MYO10: variants seen among roughly 807,000 people sequenced by gnomAD.
The protein encoded by MYO10 is unconventional myosin-X.
Under a neutral mutation model 257.3 loss-of-function variants are expected in MYO10, and 133 were observed. That is an observed-to-expected ratio of 0.52 (90% CI 0.45 to 0.60). The LOEUF is 0.60. Among genes scored for constraint, MYO10 ranks in the 20% least tolerant of loss-of-function variants. The probability of loss-of-function intolerance (pLI) is 0.00; values close to 1 mark genes in which losing one functional copy is unlikely to be tolerated. For synonymous variants in MYO10, 1,104 were observed against 1,028.6 expected (o/e 1.07, Z -1.40); for missense variants, 2,399 against 2,635.7 (o/e 0.91, Z 1.97).
At chr5:16,769,483 T>C (rs1374055768) in intron 9 of MYO10, among the ~76,000 whole-genome samples, 2 of 152,122 alleles carry the variant, frequency 1.3e-5, no homozygotes, top group African/African-American at 4.8e-5. Context: ...TACAGGTGTG[T>C]GCCACCATGC....
At chr5:16,862,045 C>T (rs548851357) in intron 2 of MYO10, among the ~76,000 whole-genome samples, 5 of 152,236 alleles carry the variant, frequency 3.3e-5, no homozygotes, top group South Asian at 4.2e-4. Context: ...TTTACCCATC[C>T]GAAATGCCAA....
chr5:16,830,945 A>G (rs1046355827), intron 2 of MYO10, among the ~76,000 whole-genome samples: 12 of 152,170 alleles, frequency 7.9e-5, no homozygotes, highest in Non-Finnish European at 1.3e-4. Flanking sequence ...ATGGCTGTGA[A>G]GGGCAACAGG....
At chr5:16,776,990 T>C (rs923159076) in intron 9 of MYO10, among the ~76,000 whole-genome samples, 1 of 146,758 alleles carries the variant, frequency 6.8e-6, no homozygotes, top group African/African-American at 2.6e-5. Flanking sequence ...GAGACAAGTC[T>C]TTTTTTTTTG....
At position 16,783,562 on chromosome 5, in the gene MYO10, C is replaced by T. The variant is rs537777912; in HGVS notation, c.468-93G>A. The T allele has an allele frequency of 2.7e-4, 365 of 1,338,882 alleles. 1 individual carries two copies. The African/African-American group carries it at 5.0e-3, about 18-fold the overall frequency. 82.9% of individuals were successfully genotyped at this position (1,338,882 alleles called of 1,614,324 possible). On this transcript the variant is annotated intron_variant, in intron 4 of 40. Transcript: ENST00000513610. The stretch of plus-strand genomic sequence containing the variant: ...ATGGCACTATAATTACTCAACAGAA[C>T]AATGGTAGAAAGGTGGGAAGAGGGA...
intron 28 of MYO10, among the ~76,000 whole-genome samples, chr5:16,686,242 T>A (rs541317076): frequency 6.6e-6 from 1 of 152,292 alleles, no homozygotes; most frequent in East Asian, 1.9e-4. Flanking sequence ...GCTTTTTCTG[T>A]TTTAAAACAT....
At chr5:16,819,349 C>T (rs1300960088) in intron 2 of MYO10, among the ~76,000 whole-genome samples, 3 of 152,170 alleles carry the variant, frequency 2.0e-5, no homozygotes, top group Non-Finnish European at 4.4e-5. Flanking sequence ...ACTCAGTGCT[C>T]TTCGTCCTAA....
chr5:16,680,063 G>T lies in MYO10; in HGVS notation c.4426C>A (p.Arg1476=). 1 of 1,611,720 alleles carries T rather than the reference G, an allele frequency of 6.2e-7. No individual in the cohort carries two copies. The highest frequency in any genetic ancestry group is 8.5e-7 in the Non-Finnish European group (1 of 1,178,972). The change falls in exon 33 of 41, where the codon CGG becomes AGG. Residue 1476 remains arginine (R), a synonymous_variant. Coordinates refer to ENST00000513610, the MANE Select transcript of MYO10 (RefSeq NM_012334.3). The part of the protein sequence containing the change: ...VTVYGRKHCY[R]LYTKLLNEAT... ...TCGTTGAGCAGCTTGGTGTAGAGCC[G>T]GTAACAGTGCTTGCGCCCGTACACG...
intron 1 of MYO10, among the ~76,000 whole-genome samples, chr5:16,925,701 C>T (rs147828429): frequency 1.3e-4 from 20 of 152,286 alleles, no homozygotes; most frequent in African/African-American, 4.1e-4. Context: ...CATGAGCCAC[C>T]GTGTCCGGCC....
rs1049279679 is a variant in MYO10 at position 16,789,666 on chromosome 5, G to A, written c.467+4980C>T. On this transcript the variant is annotated intron_variant, in intron 4 of 40. Coordinates refer to ENST00000513610, the MANE Select transcript of MYO10 (RefSeq NM_012334.3). ...AAGTTAGCCAGCCATGATGGTGCAC[G>A]CCTGTAACCCCAGCTACCTGGGAGG... Among the ~76,000 whole-genome samples the A allele has an allele frequency of 3.9e-5, 6 of 152,130 alleles. No homozygotes were observed. In the East Asian group the frequency reaches 9.7e-4, roughly 24 times the overall value.
In MYO10 at chr5:16,763,551, T is replaced by C. The variant is rs1009628797; in HGVS notation, c.1428-4A>G. On this transcript the variant is annotated splice_region_variant and splice_polypyrimidine_tract_variant and intron_variant, in intron 13 of 40. Transcript: ENST00000513610. The stretch of plus-strand genomic sequence containing the variant: ...ATCTTCCCACACTAATCCTTCCCTG[T>C]AGAAAGATTTTAAACAGCCAAGTTA... 1 of 1,609,364 alleles carries C rather than the reference T, an allele frequency of 6.2e-7. No individual in the cohort carries two copies. The highest frequency in any genetic ancestry group is 1.7e-5 in the Admixed American group (1 of 59,942).
chr5:16,895,503 G>C lies in MYO10; in HGVS notation c.22-17796C>G, dbSNP rs945026019. On this transcript the variant is annotated intron_variant, in intron 1 of 40. Coordinates refer to ENST00000513610, the MANE Select transcript of MYO10 (RefSeq NM_012334.3). ...ACCCCTGGATGACACGCCCCATCTA[G>C]ACCAGAACAAAGGCCCTCTGCTTCC... Among the ~76,000 whole-genome samples, 4 of 152,132 alleles carry C rather than the reference G, an allele frequency of 2.6e-5. No homozygotes were observed. The South Asian group carries it at 8.3e-4, about 32-fold the overall frequency.
intron 2 of MYO10, among the ~76,000 whole-genome samples, chr5:16,849,635 T>C (rs547363276): frequency 2.6e-5 from 4 of 152,296 alleles, no homozygotes; most frequent in Non-Finnish European, 4.4e-5. Context: ...CAGATGAAAG[T>C]TAAACATCGG....
At chr5:16,745,424 A>G (rs1364987941) in intron 19 of MYO10, among the ~76,000 whole-genome samples, 2 of 151,886 alleles carry the variant, frequency 1.3e-5, no homozygotes, top group Non-Finnish European at 2.9e-5. Context: ...GGTGAGTCAC[A>G]TCTGTAATCC....
intron 1 of MYO10, among the ~76,000 whole-genome samples, chr5:16,902,820 C>A (rs1745421501): frequency 6.6e-6 from 1 of 152,160 alleles, no homozygotes; most frequent in South Asian, 2.1e-4. Flanking sequence ...TAAGTAAATT[C>A]ATTTCACCTG....
chr5:16,736,048 G>A (rs539636910), intron 19 of MYO10, among the ~76,000 whole-genome samples: 3 of 152,128 alleles, frequency 2.0e-5, no homozygotes, highest in East Asian at 3.9e-4. Context: ...TCAGATACGC[G>A]ACTACACATT....
chr5:16,720,077 C>T (rs1186217823), intron 19 of MYO10, among the ~76,000 whole-genome samples: 1 of 150,926 alleles, frequency 6.6e-6, no homozygotes, highest in Non-Finnish European at 1.5e-5. Context: ...ACACAAATAA[C>T]TAATGGTGTG....
intron 3 of MYO10, among the ~76,000 whole-genome samples, chr5:16,807,533 T>G (rs1742313029): frequency 6.6e-6 from 1 of 152,088 alleles, no homozygotes; most frequent in Non-Finnish European, 1.5e-5. Flanking sequence ...CCTACAGCTT[T>G]CATGAGTCCG....
At chr5:16,886,132 G>T (rs1158387538) in intron 1 of MYO10, among the ~76,000 whole-genome samples, 1 of 152,206 alleles carries the variant, frequency 6.6e-6, no homozygotes, top group African/African-American at 2.4e-5. Context: ...GGCCATGTAG[G>T]CCCTGAAAGG....
intron 3 of MYO10, among the ~76,000 whole-genome samples, chr5:16,807,033 G>A (rs1050193703): frequency 6.6e-6 from 1 of 152,150 alleles, no homozygotes; most frequent in Admixed American, 6.6e-5. Context: ...AATGCACTGG[G>A]GAAATGGGTT....
Sources: allele counts gnomAD v4.1 joint callset (sites outside exome capture counted in the v4.1 genomes callset), GRCh38; gene constraint gnomAD v4.1.1; transcripts MANE v1.5; gene names NCBI Gene and HGNC (gene_info 2026-07-23, HGNC 2026-07-21).